Variants in TFG observed in about 807,000 individuals in gnomAD.
TFG encodes trafficking from ER to golgi regulator, also known as protein TFG.
In TFG, 22 loss-of-function variants were observed where a neutral mutation model predicts 51.4. That is an observed-to-expected ratio of 0.43 (90% CI 0.31 to 0.61). The LOEUF is 0.61. Ranked by LOEUF, TFG falls within the 20% of genes least tolerant of loss-of-function variation. The pLI is 0.12. For synonymous variants in TFG, 187 were observed against 165.6 expected (o/e 1.13, Z -0.99); for missense variants, 419 against 487.7 (o/e 0.86, Z 1.33).
chr3:100,732,993 AT>A (rs1559716642), intron 5 of TFG, among the ~76,000 whole-genome samples: 1 of 152,204 alleles, frequency 6.6e-6, no homozygotes, highest in African/African-American at 2.4e-5. Context: ...AATCTGAACT[AT>A]TTTATAATTT....
intron 1 of TFG, among the ~76,000 whole-genome samples, chr3:100,710,786 GA>G (rs1262750814): frequency 1.3e-5 from 2 of 152,200 alleles, no homozygotes; most frequent in Non-Finnish European, 1.5e-5. Flanking sequence ...CAAGATGGGA[GA>G]AGAGCTTGTC....
At chr3:100,744,719 G>C in intron 6 of TFG, 114 bp from the exon 7 acceptor site, 1 of 637,382 alleles carries the variant, frequency 1.6e-6, no homozygotes, top group Non-Finnish European at 2.8e-6. Context: ...ATACTTTCTT[G>C]TATATTGTTA....
At chr3:100,730,446 A>G (rs2095088381) in intron 4 of TFG, among the ~76,000 whole-genome samples, 1 of 152,170 alleles carries the variant, frequency 6.6e-6, no homozygotes, top group Non-Finnish European at 1.5e-5. Context: ...GTTTTCTTGT[A>G]TGGCCATTTT....
At chr3:100,747,774 G>A (rs943360484) in intron 7 of TFG, among the ~76,000 whole-genome samples, 1 of 152,160 alleles carries the variant, frequency 6.6e-6, no homozygotes, top group African/African-American at 2.4e-5. Context: ...TCTCCGCAAT[G>A]TGTTTTTATT....
chr3:100,718,361 A>G (rs1246765003), intron 2 of TFG, among the ~76,000 whole-genome samples: 2 of 152,112 alleles, frequency 1.3e-5, no homozygotes, highest in East Asian at 3.9e-4. Context: ...GAGAATAAAT[A>G]TTGTAGCTTT....
intron 3 of TFG, among the ~76,000 whole-genome samples, chr3:100,724,990 G>A (rs994317117): frequency 2.6e-5 from 4 of 152,150 alleles, no homozygotes; most frequent in Admixed American, 6.5e-5. Context: ...TGCAAGCTCC[G>A]CCTCCGGGGC....
chr3:100,710,776 C>T (rs1236383229), intron 1 of TFG, among the ~76,000 whole-genome samples: 2 of 152,114 alleles, frequency 1.3e-5, no homozygotes, highest in Non-Finnish European at 2.9e-5. Context: ...GGGGCAAGGA[C>T]AAGATGGGAG....
In TFG at chr3:100,736,616, C is replaced by T. The variant is rs141786985; in HGVS notation, c.621C>T (p.Pro207=). The change falls in exon 6 of 8, where the codon CCC becomes CCT. Residue 207 remains proline (P), a synonymous_variant. Transcript: ENST00000240851. ...SAPAEDRSGT[P]DSIASSSSAA... ...CTGCAGAAGATCGTTCAGGAACACC[C>T]GACAGCATTGCTTCCTCCTCCTCAG... 45 of 1,613,800 alleles carry T rather than the reference C, an allele frequency of 2.8e-5. No individual in the cohort carries two copies. Among genetic ancestry groups the T allele is most frequent in the Non-Finnish European group, 3.6e-5 (43 of 1,179,966 alleles).
chr3:100,748,374 T>TG lies in TFG; in HGVS notation c.1048dup (p.Ala350GlyfsTer30). The TG allele has an allele frequency of 6.2e-7, 1 of 1,614,134 alleles. No individual in the cohort carries two copies. Among genetic ancestry groups the TG allele is most frequent in the Non-Finnish European group, 8.5e-7 (1 of 1,179,998 alleles). On this transcript the variant is annotated frameshift_variant, in exon 8 of 8. Transcript: ENST00000240851. LOFTEE classifies it high-confidence loss of function. ...GTGGCTCCTGCCTCTCAACCTGGAATGGCTCCAAGCCAACCTGGGGCCTAT... is the reference window on the plus strand; with the variant it reads ...GTGGCTCCTGCCTCTCAACCTGGAATGGGCTCCAAGCCAACCTGGGGCCTAT...
intron 3 of TFG, among the ~76,000 whole-genome samples, chr3:100,728,360 ATAAATATT>A (rs1475872836): frequency 1.5e-5 from 2 of 130,618 alleles, no homozygotes; most frequent in Admixed American, 7.9e-5. Context: ...ATTAAATTTA[ATAAATATT>A]TAAGAACAGC....
intron 7 of TFG, chr3:100,747,431 A>G (rs2095139658): frequency 6.6e-6 from 1 of 152,126 alleles, no homozygotes; most frequent in Non-Finnish European, 1.5e-5. Context: ...GTCAATGGAG[A>G]GGTTTCATTG....
At chr3:100,722,943 G>A (rs1292095957) in intron 3 of TFG, among the ~76,000 whole-genome samples, 1 of 152,156 alleles carries the variant, frequency 6.6e-6, no homozygotes, top group Non-Finnish European at 1.5e-5. Flanking sequence ...ACTGTTGCTT[G>A]GTCAGTAGGC....
intron 2 of TFG, among the ~76,000 whole-genome samples, chr3:100,719,162 G>C (rs2095054295): frequency 6.6e-6 from 1 of 152,202 alleles, no homozygotes; most frequent in Non-Finnish European, 1.5e-5. Context: ...ACTAATTAGT[G>C]TTAAAGTAGG....
intron 2 of TFG, 90 bp downstream of exon 2, chr3:100,713,959 G>A: frequency 1.2e-6 from 1 of 818,020 alleles, no homozygotes; most frequent in Non-Finnish European, 1.8e-6. Flanking sequence ...GGAGTACAGT[G>A]GTGTGATCAT....
intron 3 of TFG, among the ~76,000 whole-genome samples, chr3:100,722,040 A>G (rs1307765117): frequency 6.6e-6 from 1 of 152,180 alleles, no homozygotes; most frequent in Non-Finnish European, 1.5e-5. Flanking sequence ...AGTCCCAGCT[A>G]CTTGAGAGGC....
chr3:100,710,167 T>A (rs1281823941), intron 1 of TFG: 1 of 152,094 alleles, frequency 6.6e-6, no homozygotes, highest in Non-Finnish European at 1.5e-5. Flanking sequence ...ATAAGTTGAT[T>A]GGGGTCATAG....
chr3:100,729,639 T>C (rs2095085976), intron 4 of TFG, among the ~76,000 whole-genome samples: 1 of 152,126 alleles, frequency 6.6e-6, no homozygotes, highest in Admixed American at 6.5e-5. Flanking sequence ...TTTCATAGTT[T>C]AAAACTGTCC....
intron 1 of TFG, among the ~76,000 whole-genome samples, chr3:100,710,711 G>A (rs1309762873): frequency 1.3e-5 from 2 of 152,222 alleles, no homozygotes; most frequent in Non-Finnish European, 2.9e-5. Context: ...GTACCTGGTA[G>A]AGGGTTATAT....
At chr3:100,721,643 T>G (rs1166502208) in intron 3 of TFG, among the ~76,000 whole-genome samples, 2 of 152,106 alleles carry the variant, frequency 1.3e-5, no homozygotes, top group African/African-American at 4.8e-5. Flanking sequence ...TAGAAAAATC[T>G]CAGAAGAAAG....
Sources: gnomAD v4.1 joint callset for allele counts (sites outside exome capture counted in the v4.1 genomes callset) on GRCh38, gnomAD v4.1.1 for gene constraint, MANE v1.5 for transcripts, NCBI Gene and HGNC (gene_info 2026-07-23, HGNC 2026-07-21) for gene names.